The following WDR70 variants were observed in gnomAD, a reference collection of about 807,000 sequenced individuals.
WDR70 encodes WD repeat domain 70, also known as WD repeat-containing protein 70.
Under a neutral mutation model 88.6 loss-of-function variants are expected in WDR70, and 53 were observed. That is an observed-to-expected ratio of 0.60 (90% CI 0.48 to 0.75). The LOEUF (loss-of-function observed/expected upper bound fraction) is 0.75. Among genes scored for constraint, WDR70 ranks in the 30% least tolerant of loss-of-function variants. The probability of loss-of-function intolerance (pLI) is 0.00; values close to 1 mark genes in which losing one functional copy is unlikely to be tolerated. For missense variants in WDR70, 610 were observed against 823.2 expected (o/e 0.74, Z 3.17); for synonymous variants, 280 against 270.0 (o/e 1.04, Z -0.36).
At chr5:37,422,757 C>T (rs763256183) in intron 5 of WDR70, among the ~76,000 whole-genome samples, 4 of 151,944 alleles carry the variant, frequency 2.6e-5, no homozygotes. Context: ...TTGGGATTAT[C>T]GGTGTAAGCC....
At chr5:37,542,587 T>C (rs75140739) in intron 9 of WDR70, among the ~76,000 whole-genome samples, 2,027 of 152,228 alleles carry the variant, frequency 0.013, 46 homozygotes, top group African/African-American at 0.046. Context: ...CGGCCCACTT[T>C]AGTTTCTTTT....
chr5:37,737,850 G>A (rs890955172), intron 17 of WDR70, among the ~76,000 whole-genome samples: 4 of 151,954 alleles, frequency 2.6e-5, no homozygotes, highest in African/African-American at 4.8e-5. Flanking sequence ...TAGGTCTCAT[G>A]TATGTTCTTT....
intron 9 of WDR70, among the ~76,000 whole-genome samples, chr5:37,548,834 G>A (rs1367777829): frequency 6.6e-6 from 1 of 152,144 alleles, no homozygotes; most frequent in Admixed American, 6.5e-5. Context: ...GCAAGAGATA[G>A]GGGTCTAGTT....
chr5:37,701,134 G>A lies in WDR70; in HGVS notation c.1269G>A (p.Met423Ile), dbSNP rs373713057. ...PLFSASGLPT[M>I]FPMTDCCFSP... The stretch of plus-strand genomic sequence containing the variant: ...TTTCAGCCTCGGGTCTTCCCACCAT[G>A]TTCCCAATGTAAGTAGCATATTTTA... The change falls in exon 12 of 18, where the codon ATG becomes ATA. Residue 423 changes from methionine to isoleucine, a missense_variant. This residue lies in a region of WDR70 where 254 missense variants were observed against 300.7 expected (regional missense o/e 0.84). Coordinates refer to ENST00000265107, the MANE Select transcript of WDR70 (RefSeq NM_018034.4). 1.9e-6 allele frequency: 3 copies of A among 1,595,340 alleles called. No individual in the cohort carries two copies. The highest frequency in any genetic ancestry group is 1.7e-5 in the Admixed American group (1 of 59,976).
At chr5:37,485,155 TC>T (rs532232414) in intron 8 of WDR70, among the ~76,000 whole-genome samples, 23 of 152,280 alleles carry the variant, frequency 1.5e-4, no homozygotes, top group Middle Eastern at 3.4e-3. Context: ...TTTACTCTTT[TC>T]CCCCATCTAG....
At chr5:37,515,435 G>A (rs1269079040) in intron 8 of WDR70, among the ~76,000 whole-genome samples, 4 of 152,216 alleles carry the variant, frequency 2.6e-5, no homozygotes, top group Non-Finnish European at 5.9e-5. Flanking sequence ...GAGTTCAGGG[G>A]TGGAAAATGA....
At chr5:37,671,887 G>A (rs1267668936) in intron 10 of WDR70, among the ~76,000 whole-genome samples, 1 of 152,014 alleles carries the variant, frequency 6.6e-6, no homozygotes, top group Non-Finnish European at 1.5e-5. Flanking sequence ...TTTTTGGGGG[G>A]GACTTTTCCT....
chr5:37,412,901 T>C (rs1749568854), intron 5 of WDR70, among the ~76,000 whole-genome samples: 2 of 152,330 alleles, frequency 1.3e-5, no homozygotes, highest in South Asian at 4.1e-4. Context: ...ATAGGACTCA[T>C]ACTAGGCACT....
At chr5:37,687,266 A>G (rs1270433866) in intron 10 of WDR70, among the ~76,000 whole-genome samples, 1 of 152,168 alleles carries the variant, frequency 6.6e-6, no homozygotes, top group Non-Finnish European at 1.5e-5. Context: ...GAAGTTAATA[A>G]TTGAAGAGCA....
At chr5:37,538,413 G>T (rs778855770) in intron 9 of WDR70, among the ~76,000 whole-genome samples, 1 of 152,180 alleles carries the variant, frequency 6.6e-6, no homozygotes, top group Non-Finnish European at 1.5e-5. Flanking sequence ...TGCTAGTATT[G>T]TAGTGGCTGG....
intron 10 of WDR70, among the ~76,000 whole-genome samples, chr5:37,643,027 C>G (rs1322343803): frequency 6.6e-6 from 1 of 152,102 alleles, no homozygotes; most frequent in East Asian, 1.9e-4. Context: ...GCTTTGATTA[C>G]CTATGCTTGT....
At chr5:37,714,094 T>C (rs34788443) in intron 13 of WDR70, among the ~76,000 whole-genome samples, 8,988 of 152,306 alleles carry the variant, frequency 0.059, 358 homozygotes, top group Non-Finnish European at 0.091. Flanking sequence ...AAAACATCTT[T>C]ACCTGTACTA....
At chr5:37,711,576 G>A (rs1747512592) in intron 13 of WDR70, among the ~76,000 whole-genome samples, 1 of 152,178 alleles carries the variant, frequency 6.6e-6, no homozygotes, top group Non-Finnish European at 1.5e-5. Flanking sequence ...GTTCAGTCTT[G>A]TCTTTGTCTG....
intron 9 of WDR70, among the ~76,000 whole-genome samples, chr5:37,574,315 A>T (rs1388618627): frequency 2.6e-5 from 4 of 152,200 alleles, no homozygotes; most frequent in African/African-American, 9.6e-5. Context: ...GAAGGTTGTC[A>T]GTTAACTGTA....
chr5:37,567,232 C>T (rs1185676501), intron 9 of WDR70, among the ~76,000 whole-genome samples: 1 of 152,166 alleles, frequency 6.6e-6, no homozygotes, highest in Non-Finnish European at 1.5e-5. Flanking sequence ...CACACCACAA[C>T]TTTTATTGTG....
intron 8 of WDR70, among the ~76,000 whole-genome samples, chr5:37,493,776 G>C (rs894477176): frequency 6.6e-6 from 1 of 151,958 alleles, no homozygotes; most frequent in African/African-American, 2.4e-5. Flanking sequence ...GGAGTTGTTA[G>C]GGATTGTGAT....
chr5:37,393,226 G>C (rs1204709475), intron 4 of WDR70, among the ~76,000 whole-genome samples: 2 of 151,642 alleles, frequency 1.3e-5, no homozygotes, highest in East Asian at 3.9e-4. Context: ...ATTTTTAGTA[G>C]AGACTGGGTT....
chr5:37,391,225 C>A (rs1002536795), intron 3 of WDR70, among the ~76,000 whole-genome samples: 1 of 152,064 alleles, frequency 6.6e-6, no homozygotes, highest in African/African-American at 2.4e-5. Context: ...TCGTTCAATT[C>A]TTTTACCACA....
chr5:37,693,961 G>A (rs965143434), intron 10 of WDR70, among the ~76,000 whole-genome samples: 10 of 152,104 alleles, frequency 6.6e-5, no homozygotes, highest in South Asian at 2.1e-4. Context: ...CCTATCTGAC[G>A]AAGGGCTGAT....
Sources: allele counts gnomAD v4.1 joint callset (sites outside exome capture counted in the v4.1 genomes callset), GRCh38; gene constraint gnomAD v4.1.1; regional missense constraint gnomAD v4.1.1; transcripts MANE v1.5; gene names NCBI Gene and HGNC (gene_info 2026-07-23, HGNC 2026-07-21).